EYS: variants seen among roughly 807,000 people sequenced by gnomAD.
EYS encodes EGF-like photoreceptor maintenance factor, also known as protein eyes shut homolog.
Under a neutral mutation model 282.1 loss-of-function variants are expected in EYS, and 250 were observed. The ratio of observed to expected loss-of-function variants is 0.89; its 90% CI spans 0.80 to 0.98. EYS has a LOEUF of 0.98. Among genes scored for constraint, EYS ranks in the 50% least tolerant of loss-of-function variants. The probability of loss-of-function intolerance (pLI) is 0.00; values close to 1 mark genes in which losing one functional copy is unlikely to be tolerated. For missense variants in EYS, 4,016 were observed against 3,709.0 expected (o/e 1.08, Z -2.15); for synonymous variants, 1,355 against 1,282.9 (o/e 1.06, Z -1.20).
chr6:64,488,975 T>C (rs1776655949), intron 26 of EYS, among the ~76,000 whole-genome samples: 1 of 150,982 alleles, frequency 6.6e-6, no homozygotes. Flanking sequence ...TTCTATATGA[T>C]CTGATACTTT....
chr6:64,229,653 A>T (rs1237981028), intron 31 of EYS, among the ~76,000 whole-genome samples: 1 of 152,160 alleles, frequency 6.6e-6, no homozygotes, highest in Non-Finnish European at 1.5e-5. Flanking sequence ...TACTTAGCTA[A>T]ATATTAAACA....
At chr6:64,736,839 GGT>G (rs1390903447) in intron 22 of EYS, among the ~76,000 whole-genome samples, 1 of 151,962 alleles carries the variant, frequency 6.6e-6, no homozygotes, top group African/African-American at 2.4e-5. Flanking sequence ...CAGAGAATAA[GGT>G]AATCACACAA....
chr6:64,180,936 T>C (rs1278469059), intron 31 of EYS, among the ~76,000 whole-genome samples: 2 of 152,112 alleles, frequency 1.3e-5, no homozygotes, highest in African/African-American at 4.8e-5. Context: ...TGATAGTTTT[T>C]CAGCCCTTGC....
intron 22 of EYS, among the ~76,000 whole-genome samples, chr6:64,742,684 C>T (rs1583103999): frequency 1.3e-5 from 2 of 152,072 alleles, no homozygotes; most frequent in African/African-American, 2.4e-5. Flanking sequence ...TACTTATTCT[C>T]AAGCTTATTG....
intron 31 of EYS, among the ~76,000 whole-genome samples, chr6:64,223,410 A>G (rs1766161191): frequency 6.6e-6 from 1 of 151,998 alleles, no homozygotes; most frequent in Non-Finnish European, 1.5e-5. Context: ...ATTTGGTACA[A>G]TTGAGGTCAT....
At chr6:64,367,639 T>C (rs921962785) in intron 29 of EYS, among the ~76,000 whole-genome samples, 1 of 152,058 alleles carries the variant, frequency 6.6e-6, no homozygotes, top group Non-Finnish European at 1.5e-5. Flanking sequence ...CTGTTATCTT[T>C]GATCTTTTTA....
chr6:65,387,086 T>C (rs1765829228), intron 7 of EYS, among the ~76,000 whole-genome samples: 1 of 152,026 alleles, frequency 6.6e-6, no homozygotes, highest in Non-Finnish European at 1.5e-5. Context: ...CTTCCTAAAA[T>C]GATTTCTTAC....
chr6:63,989,515 A>G (rs1003379091), intron 34 of EYS, among the ~76,000 whole-genome samples: 6 of 151,732 alleles, frequency 4.0e-5, no homozygotes, highest in Non-Finnish European at 7.4e-5. Flanking sequence ...TCCCTAAAGT[A>G]TAATAATCTG....
intron 31 of EYS, among the ~76,000 whole-genome samples, chr6:64,125,157 T>G (rs1773726997): frequency 7.2e-6 from 1 of 139,330 alleles, no homozygotes; most frequent in South Asian, 2.2e-4. Context: ...ACTCTCTGTC[T>G]CTCTCTCTCT....
At chr6:64,346,789 T>G (rs1771419434) in intron 29 of EYS, among the ~76,000 whole-genome samples, 1 of 151,504 alleles carries the variant, frequency 6.6e-6, no homozygotes, top group African/African-American at 2.4e-5. Flanking sequence ...TAGTGGAGAC[T>G]TCCGTTGATT....
At chr6:64,477,418 G>A (rs1402571396) in intron 26 of EYS, among the ~76,000 whole-genome samples, 1 of 152,040 alleles carries the variant, frequency 6.6e-6, no homozygotes, top group Middle Eastern at 3.2e-3. Flanking sequence ...TTAGAAGACA[G>A]CTTTTGATAT....
At chr6:64,278,717 ACT>A (rs113366162) in intron 30 of EYS, among the ~76,000 whole-genome samples, 60 of 141,382 alleles carry the variant, frequency 4.2e-4, no homozygotes, top group East Asian at 6.2e-4. Context: ...TCAGCCAAAA[ACT>A]CTCTCTCTCT....
chr6:64,296,568 A>T (rs1390713682), intron 30 of EYS, among the ~76,000 whole-genome samples: 2 of 6,340 alleles, frequency 3.2e-4, no homozygotes, highest in African/African-American at 2.0e-3. Flanking sequence ...ATATATATAT[A>T]TATATATATA....
chr6:64,971,897 A>G (rs1232263396), intron 14 of EYS, among the ~76,000 whole-genome samples: 1 of 152,168 alleles, frequency 6.6e-6, no homozygotes, highest in Non-Finnish European at 1.5e-5. Context: ...AGCATAATTA[A>G]GTAAGTTCTT....
intron 12 of EYS, among the ~76,000 whole-genome samples, chr6:65,146,910 G>A (rs915169943): frequency 1.3e-5 from 2 of 151,818 alleles, no homozygotes; most frequent in African/African-American, 4.8e-5. Context: ...TTTTTTCTGT[G>A]ATCTACAATG....
chr6:65,209,437 A>G (rs1386133154), intron 12 of EYS, among the ~76,000 whole-genome samples: 1 of 151,786 alleles, frequency 6.6e-6, no homozygotes, highest in Non-Finnish European at 1.5e-5. Context: ...CCCCCACTTA[A>G]TGATCCCCCA....
At chr6:65,005,075 A>G (rs1771596932) in intron 13 of EYS, among the ~76,000 whole-genome samples, 3 of 147,424 alleles carry the variant, frequency 2.0e-5, no homozygotes, top group South Asian at 4.4e-4. Flanking sequence ...CTTCTGGTCT[A>G]TGTTTGTTAT....
intron 13 of EYS, among the ~76,000 whole-genome samples, chr6:65,056,374 C>G (rs913186904): frequency 3.3e-5 from 5 of 151,962 alleles, no homozygotes; most frequent in Admixed American, 2.6e-4. Context: ...AGAAAAACAG[C>G]TATTTTTTAA....
intron 15 of EYS, among the ~76,000 whole-genome samples, chr6:64,937,338 C>T (rs1264351448): frequency 6.6e-6 from 1 of 151,436 alleles, no homozygotes; most frequent in East Asian, 1.9e-4. Flanking sequence ...CCTGAAAGGA[C>T]ACCATGAAGA....
Sources: gnomAD v4.1 joint callset for allele counts (sites outside exome capture counted in the v4.1 genomes callset) on GRCh38, gnomAD v4.1.1 for gene constraint, MANE v1.5 for transcripts, NCBI Gene and HGNC (gene_info 2026-07-23, HGNC 2026-07-21) for gene names.